Variants in LCORL observed in about 807,000 individuals in gnomAD.
LCORL encodes ligand-dependent nuclear receptor corepressor-like protein.
Under a neutral mutation model 141.8 loss-of-function variants are expected in LCORL, and 41 were observed. That is an observed-to-expected ratio of 0.29 (90% CI 0.23 to 0.38). The LOEUF is 0.38. Among genes scored for constraint, LCORL ranks in the 10% least tolerant of loss-of-function variants. The pLI, the probability that LCORL is intolerant of heterozygous loss-of-function variation, is 1.00. For missense variants in LCORL, 1,759 were observed against 2,035.0 expected (o/e 0.86, Z 2.61); for synonymous variants, 618 against 694.1 (o/e 0.89, Z 1.72).
chr4:17,962,495 C>T lies in LCORL; in HGVS notation c.301-463G>A, dbSNP rs192725284. ...GATGCTGGTTGCATAGTTTATGCCC[C>T]GTATACAGTAGACACTTACATATTT... On this transcript the variant is annotated intron_variant, in intron 3 of 7. Transcript: ENST00000635767. 3.9e-5 allele frequency among the ~76,000 whole-genome samples: 6 copies of T among 151,978 alleles called. No individual in the cohort carries two copies. The East Asian group carries it at 7.7e-4, about 20-fold the overall frequency.
intron 1 of LCORL, among the ~76,000 whole-genome samples, chr4:17,990,606 A>C (rs959656490): frequency 4.0e-5 from 6 of 150,082 alleles, no homozygotes; most frequent in African/African-American, 1.5e-4. Flanking sequence ...TATTAATGAC[A>C]GTGGCTATAA....
intron 5 of LCORL, among the ~76,000 whole-genome samples, chr4:17,897,993 T>C (rs928590239): frequency 6.6e-6 from 1 of 152,210 alleles, no homozygotes; most frequent in African/African-American, 2.4e-5. Flanking sequence ...AAATAATTCA[T>C]GGTTTGCACT....
chr4:17,883,644 A>G, intron 6 of LCORL: 1 of 1,439,314 alleles, frequency 6.9e-7, no homozygotes, highest in East Asian at 2.5e-5. Context: ...ACACACAAAT[A>G]CACACCTGTG....
At chr4:18,005,805 G>C (rs916200997) in intron 1 of LCORL, among the ~76,000 whole-genome samples, 3 of 152,260 alleles carry the variant, frequency 2.0e-5, no homozygotes, top group East Asian at 3.9e-4. Flanking sequence ...AGAGCACAGA[G>C]ACCATGCATC....
chr4:17,976,152 T>C (rs1180797520), intron 1 of LCORL, among the ~76,000 whole-genome samples: 1 of 152,228 alleles, frequency 6.6e-6, no homozygotes, highest in East Asian at 1.9e-4. Context: ...CCTGTCTTTA[T>C]ATTCAAATTG....
At chr4:17,916,801 A>C (rs1733518854) in intron 4 of LCORL, among the ~76,000 whole-genome samples, 1 of 151,092 alleles carries the variant, frequency 6.6e-6, no homozygotes. Flanking sequence ...TGTGCCACCA[A>C]GCCCAGCTAA....
At chr4:17,918,307 G>A (rs755001544) in intron 4 of LCORL, among the ~76,000 whole-genome samples, 1 of 152,090 alleles carries the variant, frequency 6.6e-6, no homozygotes, top group African/African-American at 2.4e-5. Flanking sequence ...AAAACATTAT[G>A]GGACATGCAA....
rs1224943047 is a variant in LCORL, at chr4:17,884,805, C to G, written c.776+1263G>C. The stretch of plus-strand genomic sequence containing the variant: ...AACTGATGCATGAGAGACTCTCACA[C>G]AGCTATGGAAGGGGAGGGTCCACTC... On this transcript the variant is annotated intron_variant, in intron 6 of 7. Transcript: ENST00000635767. This position sits in a 1 kb window ranked among gnomAD's most constrained non-coding sequence, Gnocchi z 4.4. The G allele has an allele frequency of 3.9e-6, 4 of 1,028,708 alleles. No individual in the cohort carries two copies. Among genetic ancestry groups the G allele is most frequent in the African/African-American group, 1.6e-5 (1 of 61,460 alleles). 63.7% of individuals were successfully genotyped at this position (1,028,708 alleles called of 1,614,324 possible). A position where few individuals can be genotyped will look rare whatever the true frequency, so the allele number is the denominator to read the frequency against.
chr4:17,843,242 TATAA>T (rs2109077053), exon 8 of LCORL: 2 of 1,544,850 alleles, frequency 1.3e-6, no homozygotes, highest in Middle Eastern at 1.8e-4. Flanking sequence ...AAGTTTTATT[TATAA>T]ATAAACTGGT....
intron 1 of LCORL, among the ~76,000 whole-genome samples, chr4:18,003,684 A>G (rs1198100053): frequency 6.6e-6 from 1 of 152,232 alleles, no homozygotes; most frequent in African/African-American, 2.4e-5. Context: ...ATGAAGATCA[A>G]GGAAGTGTTT....
Position 17,923,177 on chromosome 4 carries a change from T to A in LCORL, c.431-13832A>T, listed in dbSNP as rs145046354. Reference sequence around the variant, plus strand: ...TAAGCAGAAATCTGGAGAACAGGCATGGAAATGAAAATATTAAGGGTGTGA... The same window carrying A: ...TAAGCAGAAATCTGGAGAACAGGCAAGGAAATGAAAATATTAAGGGTGTGA... On this transcript the variant is annotated intron_variant, in intron 4 of 7. Coordinates refer to ENST00000635767, the Ensembl canonical transcript of LCORL. Among the ~76,000 whole-genome samples, 15 of 152,248 alleles carry A rather than the reference T, an allele frequency of 9.9e-5. No homozygotes were observed. The East Asian group carries it at 2.9e-3, about 29-fold the overall frequency.
At chr4:17,947,304 T>C (rs565923615) in intron 4 of LCORL, among the ~76,000 whole-genome samples, 36 of 152,082 alleles carry the variant, frequency 2.4e-4, no homozygotes, top group Non-Finnish European at 4.0e-4. Flanking sequence ...AAATATTGCA[T>C]GTCTTCACTT....
At chr4:17,876,519 A>C in exon 7 of LCORL, 1 of 1,230,914 alleles carries the variant, frequency 8.1e-7, no homozygotes, top group Non-Finnish European at 1.0e-6. Context: ...AATTTTGTTT[A>C]GGTCTATATT....
At chr4:17,934,947 A>G (rs1385470143) in intron 4 of LCORL, among the ~76,000 whole-genome samples, 2 of 152,196 alleles carry the variant, frequency 1.3e-5, no homozygotes, top group Non-Finnish European at 2.9e-5. Flanking sequence ...GTGAAAACCA[A>G]TCAGTTACCC....
At chr4:18,014,620 AT>A (rs1176693375) in intron 1 of LCORL, among the ~76,000 whole-genome samples, 1 of 152,244 alleles carries the variant, frequency 6.6e-6, no homozygotes, top group Non-Finnish European at 1.5e-5. Flanking sequence ...GGGAAACTAT[AT>A]GAAAGGAAAG....
At chr4:17,847,788 T>A (rs911432873) in intron 7 of LCORL, among the ~76,000 whole-genome samples, 2 of 152,204 alleles carry the variant, frequency 1.3e-5, no homozygotes, top group Non-Finnish European at 1.5e-5. Flanking sequence ...GGACTGCTAG[T>A]CTTCATATTT....
chr4:17,989,985 A>G (rs572649885), intron 1 of LCORL, among the ~76,000 whole-genome samples: 26 of 152,098 alleles, frequency 1.7e-4, no homozygotes, highest in African/African-American at 5.8e-4. Flanking sequence ...TAGAGGCCAC[A>G]TTTATTACTT....
At position 17,876,801 on chromosome 4, in the gene LCORL, C is replaced by T. The variant is rs543031903; in HGVS notation, c.2189G>A (p.Ser730Asn). Residue 730 changes from serine (S) to asparagine (N), a missense_variant, in exon 7 of 8, where the codon AGC becomes AAC. By Grantham distance (46) the Ser-to-Asn change is conservative. Transcript: ENST00000635767. ...AGATTTCTCCTGTGGCTTTCTTATG[C>T]TCATTTTCTCAGGGGAAGTTGTTTT... 7.0e-5 allele frequency: 86 copies of T among 1,230,696 alleles called. No homozygotes were observed. In the South Asian group the frequency reaches 3.2e-3, roughly 45 times the overall value. The allele number at this position is 1,230,696 out of a possible 1,614,324, so 76.2% of individuals were successfully genotyped here.
intron 4 of LCORL, among the ~76,000 whole-genome samples, chr4:17,950,604 T>C (rs1739564481): frequency 6.6e-6 from 1 of 152,134 alleles, no homozygotes; most frequent in Non-Finnish European, 1.5e-5. Context: ...CCAGTACATA[T>C]TTTGCTAACT....
Sources: gnomAD v4.1 joint callset for allele counts (sites outside exome capture counted in the v4.1 genomes callset) on GRCh38, gnomAD v4.1.1 for gene constraint, Gnocchi (gnomAD v3.1) non-coding constraint, MANE v1.5 for transcripts, NCBI Gene and HGNC (gene_info 2026-07-23, HGNC 2026-07-21) for gene names.